AUTS2: variants seen among roughly 807,000 people sequenced by gnomAD.
AUTS2 encodes the protein autism susceptibility gene 2 protein.
A neutral mutation model predicts 112.4 loss-of-function variants in AUTS2; 17 were observed. That is an observed-to-expected ratio of 0.15 (90% CI 0.10 to 0.23). The LOEUF (loss-of-function observed/expected upper bound fraction) is 0.23, where lower values mean the gene tolerates loss of function less well. Ranked by LOEUF, AUTS2 falls within the 10% of genes least tolerant of loss-of-function variation. The probability of loss-of-function intolerance (pLI) is 1.00; values close to 1 mark genes in which losing one functional copy is unlikely to be tolerated. For synonymous variants in AUTS2, 751 were observed against 702.7 expected (o/e 1.07, Z -1.09); for missense variants, 1,510 against 1,701.6 (o/e 0.89, Z 1.98).
chr7:70,606,368 C>T (rs1803763986), intron 5 of AUTS2, among the ~76,000 whole-genome samples: 2 of 146,650 alleles, frequency 1.4e-5, no homozygotes, highest in Non-Finnish European at 3.0e-5. Flanking sequence ...TATTTGCAGC[C>T]CATCAATAAT....
At chr7:69,619,168 G>A (rs1793530900) in intron 1 of AUTS2, among the ~76,000 whole-genome samples, 1 of 152,078 alleles carries the variant, frequency 6.6e-6, no homozygotes, top group Non-Finnish European at 1.5e-5. Context: ...AGATTCTGGA[G>A]GGTAATGTCC....
At chr7:70,168,273 C>T (rs2129578280) in intron 4 of AUTS2, among the ~76,000 whole-genome samples, 1 of 152,272 alleles carries the variant, frequency 6.6e-6, no homozygotes, top group East Asian at 1.9e-4. Flanking sequence ...TGCAGGCTCT[C>T]TGAGCAAGAT....
At chr7:70,289,707 G>GTTC (rs1788623928) in intron 4 of AUTS2, among the ~76,000 whole-genome samples, 1 of 152,186 alleles carries the variant, frequency 6.6e-6, no homozygotes, top group South Asian at 2.1e-4. Flanking sequence ...TTGAGGATTA[G>GTTC]ATGATTTTGG....
chr7:70,726,382 A>G (rs978016838), intron 6 of AUTS2, among the ~76,000 whole-genome samples: 2 of 152,122 alleles, frequency 1.3e-5, no homozygotes, highest in African/African-American at 4.8e-5. Flanking sequence ...TTTCCACCAC[A>G]TATTTGAACT....
At chr7:69,960,983 T>C (rs182045605) in intron 2 of AUTS2, among the ~76,000 whole-genome samples, 2 of 152,252 alleles carry the variant, frequency 1.3e-5, no homozygotes, top group Admixed American at 1.3e-4. Context: ...CGAGACTGCC[T>C]AGGATTTCAG....
At chr7:69,623,403 T>TTTC in intron 1 of AUTS2, among the ~76,000 whole-genome samples, 1 of 142,040 alleles carries the variant, frequency 7.0e-6, no homozygotes, top group Admixed American at 6.9e-5. Context: ...TTTTTTTTTT[T>TTTC]TTTGCAGGGG....
chr7:70,475,576 T>C (rs1454285039), intron 5 of AUTS2, among the ~76,000 whole-genome samples: 1 of 152,180 alleles, frequency 6.6e-6, no homozygotes, highest in East Asian at 1.9e-4. Flanking sequence ...GTGCCTCACA[T>C]AGAGTGGTGC....
chr7:69,750,965 G>A (rs1204491146), intron 1 of AUTS2, among the ~76,000 whole-genome samples: 1 of 151,924 alleles, frequency 6.6e-6, no homozygotes, highest in Non-Finnish European at 1.5e-5. Flanking sequence ...AAAGGAGAAG[G>A]GCATTGGAAA....
At chr7:69,908,440 C>A (rs1037155731) in intron 2 of AUTS2, among the ~76,000 whole-genome samples, 1 of 152,174 alleles carries the variant, frequency 6.6e-6, no homozygotes, top group African/African-American at 2.4e-5. Context: ...CTTTTTACAC[C>A]TAGGGGTGTG....
intron 4 of AUTS2, among the ~76,000 whole-genome samples, chr7:70,294,837 T>C (rs1788860265): frequency 6.6e-6 from 1 of 152,216 alleles, no homozygotes; most frequent in South Asian, 2.1e-4. Context: ...AGGAAATGCA[T>C]AAGCCTGGAG....
chr7:69,884,050 A>G (rs550584100), intron 1 of AUTS2, among the ~76,000 whole-genome samples: 1 of 152,212 alleles, frequency 6.6e-6, no homozygotes, highest in Non-Finnish European at 1.5e-5. Context: ...TATGGGACCA[A>G]CAGCCAATGT....
At chr7:69,964,303 T>C (rs1363067288) in intron 2 of AUTS2, among the ~76,000 whole-genome samples, 7 of 152,150 alleles carry the variant, frequency 4.6e-5, no homozygotes, top group African/African-American at 1.2e-4. Flanking sequence ...TAGTGTTTGA[T>C]CCAGGTCAGT....
chr7:69,978,896 A>G (rs867515345), intron 2 of AUTS2, among the ~76,000 whole-genome samples: 4 of 144,084 alleles, frequency 2.8e-5, no homozygotes, highest in East Asian at 2.0e-4. Flanking sequence ...ACACACACAC[A>G]CACACGCACA....
At chr7:70,278,855 C>A (rs1238875268) in intron 4 of AUTS2, among the ~76,000 whole-genome samples, 1 of 152,046 alleles carries the variant, frequency 6.6e-6, no homozygotes, top group Non-Finnish European at 1.5e-5. Flanking sequence ...ATCACTTAGA[C>A]CAAAAGAGAA....
intron 1 of AUTS2, among the ~76,000 whole-genome samples, chr7:69,602,581 C>A (rs1007019599): frequency 6.6e-6 from 1 of 152,180 alleles, no homozygotes; most frequent in African/African-American, 2.4e-5. Flanking sequence ...ATTTCTCACA[C>A]AGAAATACTT....
intron 4 of AUTS2, among the ~76,000 whole-genome samples, chr7:70,322,424 A>G (rs1790296326): frequency 6.6e-6 from 1 of 152,158 alleles, no homozygotes; most frequent in South Asian, 2.1e-4. Context: ...TGGATGTTAT[A>G]CCACACATCC....
intron 17 of AUTS2, among the ~76,000 whole-genome samples, chr7:70,786,755 G>C (rs1192170912): frequency 3.3e-5 from 5 of 152,150 alleles, no homozygotes; most frequent in Admixed American, 3.3e-4. Flanking sequence ...TGTGTGTCTG[G>C]TGAGGGCAAG....
intron 4 of AUTS2, among the ~76,000 whole-genome samples, chr7:70,296,088 C>T (rs12113743): frequency 0.086 from 13,028 of 152,206 alleles, 752 homozygotes; most frequent in African/African-American, 0.16. Flanking sequence ...TTGCAGCTGA[C>T]CTGTGGCATA....
At chr7:70,353,804 A>G (rs1024119851) in intron 4 of AUTS2, among the ~76,000 whole-genome samples, 12 of 152,328 alleles carry the variant, frequency 7.9e-5, no homozygotes, top group African/African-American at 2.2e-4. Flanking sequence ...GAATGAGAAC[A>G]TGAGCTGTTA....
Sources: gnomAD v4.1 joint callset for allele counts (sites outside exome capture counted in the v4.1 genomes callset) on GRCh38, gnomAD v4.1.1 for gene constraint, MANE v1.5 for transcripts, NCBI Gene and HGNC (gene_info 2026-07-23, HGNC 2026-07-21) for gene names.